DPP10: variants seen among roughly 807,000 people sequenced by gnomAD.
DPP10 encodes dipeptidyl peptidase like 10.
A neutral mutation model predicts 120.9 loss-of-function variants in DPP10; 33 were observed. The observed-to-expected ratio is 0.27, with a 90% confidence interval of 0.21 to 0.37. The LOEUF is 0.37. Among genes scored for constraint, DPP10 ranks in the 10% least tolerant of loss-of-function variants. The pLI is 1.00. For synonymous variants in DPP10, 337 were observed against 326.1 expected (o/e 1.03, Z -0.36); for missense variants, 816 against 942.8 (o/e 0.87, Z 1.76).
chr2:115,666,087 T>C (rs2089432181), intron 5 of DPP10, among the ~76,000 whole-genome samples: 1 of 152,134 alleles, frequency 6.6e-6, no homozygotes, highest in African/African-American at 2.4e-5. Context: ...GTTCCCTTTG[T>C]TGTGTGCATG....
At chr2:114,813,707 T>G (rs1006882199) in intron 1 of DPP10, among the ~76,000 whole-genome samples, 1 of 145,158 alleles carries the variant, frequency 6.9e-6, no homozygotes, top group African/African-American at 2.7e-5. Context: ...ATTATGTCTA[T>G]GGAATTAAAT....
chr2:115,782,542 T>C, intron 17 of DPP10, 143 bp downstream of exon 17: 1 of 710,430 alleles, frequency 1.4e-6, no homozygotes, highest in Non-Finnish European at 2.4e-6. Context: ...TACCATCAAC[T>C]TGACCTTATG....
chr2:115,677,238 CAT>C (rs947217293), intron 5 of DPP10, among the ~76,000 whole-genome samples: 7 of 152,160 alleles, frequency 4.6e-5, no homozygotes, highest in Admixed American at 3.9e-4. Context: ...ATTATAAAAA[CAT>C]ATAAAAATGT....
chr2:115,231,694 C>T (rs749233013), intron 1 of DPP10, among the ~76,000 whole-genome samples: 1 of 152,130 alleles, frequency 6.6e-6, no homozygotes, highest in East Asian at 1.9e-4. Flanking sequence ...TTGTAACAAG[C>T]GTTAGCCCCC....
At chr2:114,734,630 T>C (rs1276993405) in intron 1 of DPP10, among the ~76,000 whole-genome samples, 1 of 152,198 alleles carries the variant, frequency 6.6e-6, no homozygotes, top group Non-Finnish European at 1.5e-5. Context: ...CAGGCCATGG[T>C]CACTCATATT....
intron 1 of DPP10, among the ~76,000 whole-genome samples, chr2:115,185,050 G>A (rs1389236735): frequency 6.6e-6 from 1 of 152,146 alleles, no homozygotes; most frequent in Non-Finnish European, 1.5e-5. Context: ...TAGCATTGCT[G>A]TGTTATAAAA....
At chr2:115,270,921 G>A (rs912852495) in intron 1 of DPP10, among the ~76,000 whole-genome samples, 1 of 151,984 alleles carries the variant, frequency 6.6e-6, no homozygotes, top group African/African-American at 2.4e-5. Flanking sequence ...TTAAAAAGCT[G>A]CAAATTAGGT....
intron 1 of DPP10, among the ~76,000 whole-genome samples, chr2:114,826,780 G>A (rs756890330): frequency 2.0e-5 from 3 of 152,038 alleles, no homozygotes; most frequent in African/African-American, 4.8e-5. Context: ...TGCCTGCCTC[G>A]GCCTCCCAAA....
At position 115,260,465 on chromosome 2, in the gene DPP10, G is replaced by T. The variant is rs537834895; in HGVS notation, c.61-48774G>T. 2.0e-5 allele frequency among the ~76,000 whole-genome samples: 3 copies of T among 152,124 alleles called. No homozygotes were observed. In the South Asian group the frequency reaches 6.2e-4, roughly 32 times the overall value. On this transcript the variant is annotated intron_variant, in intron 1 of 25. Transcript: ENST00000410059. ...ACGTTCAACTCAAGAAAGGCTTGGCGCAAGATAAATCACTCTGCTGTGAAA... is the reference window on the plus strand; with the variant it reads ...ACGTTCAACTCAAGAAAGGCTTGGCTCAAGATAAATCACTCTGCTGTGAAA...
chr2:114,729,288 TC>T (rs1478638245), intron 1 of DPP10, among the ~76,000 whole-genome samples: 1 of 152,232 alleles, frequency 6.6e-6, no homozygotes, highest in African/African-American at 2.4e-5. Context: ...AGATGAAGCC[TC>T]CAGGGAAACC....
intron 4 of DPP10, among the ~76,000 whole-genome samples, chr2:115,507,576 A>G (rs2077013807): frequency 6.6e-6 from 1 of 152,144 alleles, no homozygotes; most frequent in Admixed American, 6.5e-5. Context: ...AACTATATAG[A>G]TCTATTCCAA....
chr2:115,362,729 T>C (rs75376630), intron 3 of DPP10, among the ~76,000 whole-genome samples: 1,547 of 152,348 alleles, frequency 0.01, 13 homozygotes, highest in Non-Finnish European at 0.017. Context: ...CAGTTGAAGC[T>C]ACTGTTTTAA....
chr2:115,407,132 C>T (rs1245178125), intron 3 of DPP10, among the ~76,000 whole-genome samples: 7 of 152,180 alleles, frequency 4.6e-5, no homozygotes, highest in Admixed American at 6.5e-5. Context: ...CTCCTTCGCC[C>T]TGGAAACAGG....
At chr2:114,472,062 A>G (rs1450408645) in intron 1 of DPP10, among the ~76,000 whole-genome samples, 3 of 152,346 alleles carry the variant, frequency 2.0e-5, no homozygotes, top group East Asian at 1.9e-4. Context: ...GCTCAGTCCA[A>G]CGAAAGGCAG....
intron 24 of DPP10, among the ~76,000 whole-genome samples, chr2:115,838,393 G>A (rs144305812): frequency 1.4e-3 from 216 of 152,168 alleles, no homozygotes; most frequent in African/African-American, 5.0e-3. Context: ...TGCAAACACG[G>A]AATAGTAGAT....
chr2:115,601,777 G>T (rs1575302021), intron 5 of DPP10, among the ~76,000 whole-genome samples: 1 of 151,828 alleles, frequency 6.6e-6, no homozygotes, highest in East Asian at 1.9e-4. Flanking sequence ...GGGTTCAAGC[G>T]ATTCCCCTGC....
chr2:115,591,151 T>G (rs2082635665), intron 5 of DPP10, among the ~76,000 whole-genome samples: 1 of 152,228 alleles, frequency 6.6e-6, no homozygotes, highest in Non-Finnish European at 1.5e-5. Flanking sequence ...GCAAAAGCTC[T>G]TTAGTTTAAT....
intron 11 of DPP10, among the ~76,000 whole-genome samples, chr2:115,761,096 CAAAA>C (rs34165193): frequency 2.2e-5 from 2 of 90,254 alleles, no homozygotes; most frequent in East Asian, 3.5e-4. Context: ...GACTTTGTCT[CAAAA>C]AAAAAAAAAA....
intron 5 of DPP10, among the ~76,000 whole-genome samples, chr2:115,554,001 TCACACACACACACACACACACACA>T (rs71881888): frequency 7.4e-5 from 10 of 135,502 alleles, no homozygotes; most frequent in African/African-American, 2.4e-4. Context: ...TCTCTCTCTT[TCACACACACACACACACACACACA>T]CACACACACA....
Sources: allele counts gnomAD v4.1 joint callset (sites outside exome capture counted in the v4.1 genomes callset), GRCh38; gene constraint gnomAD v4.1.1; transcripts MANE v1.5; gene names NCBI Gene and HGNC (gene_info 2026-07-23, HGNC 2026-07-21).